The following PTPRT variants were observed in gnomAD, a reference collection of about 807,000 sequenced individuals.
The protein encoded by PTPRT is receptor-type tyrosine-protein phosphatase T.
Under a neutral mutation model 176.8 loss-of-function variants are expected in PTPRT, and 56 were observed. The observed-to-expected ratio is 0.32, with a 90% confidence interval of 0.26 to 0.40. The LOEUF is 0.40. Among genes scored for constraint, PTPRT ranks in the 10% least tolerant of loss-of-function variants. The pLI, the probability that PTPRT is intolerant of heterozygous loss-of-function variation, is 1.00. For missense variants in PTPRT, 1,540 were observed against 1,908.2 expected (o/e 0.81, Z 3.60); for synonymous variants, 783 against 739.0 (o/e 1.06, Z -0.96).
intron 7 of PTPRT, among the ~76,000 whole-genome samples, chr20:42,491,443 C>T (rs2071560228): frequency 6.6e-6 from 1 of 152,152 alleles, no homozygotes; most frequent in African/African-American, 2.4e-5. Context: ...TATCTTCACA[C>T]TGTGGTTGAC....
intron 8 of PTPRT, among the ~76,000 whole-genome samples, chr20:42,452,012 T>C (rs1454346637): frequency 2.0e-5 from 3 of 152,168 alleles, no homozygotes; most frequent in Non-Finnish European, 4.4e-5. Context: ...GGCCCACGCC[T>C]ATAATCCCAG....
In PTPRT at chr20:42,178,007, G is replaced by A. The variant is rs190215696; in HGVS notation, c.2492-16465C>T. 2.6e-5 allele frequency among the ~76,000 whole-genome samples: 4 copies of A among 151,710 alleles called. No homozygotes were observed. The East Asian group carries it at 7.8e-4, about 29-fold the overall frequency. ...GGCTAGAGTGCAGTGGCATGATCTT[G>A]GCTCAGTGCAACCTCTGCCACCTGG... is the stretch of plus-strand genomic sequence containing the variant. On this transcript the variant is annotated intron_variant, in intron 16 of 30. Coordinates refer to ENST00000373187, the MANE Select transcript of PTPRT (RefSeq NM_007050.6).
At chr20:42,926,399 AT>A (rs983523093) in intron 1 of PTPRT, among the ~76,000 whole-genome samples, 3 of 151,844 alleles carry the variant, frequency 2.0e-5, no homozygotes, top group African/African-American at 4.8e-5. Context: ...AATAATAAAT[AT>A]TTTTTTTCTA....
intron 1 of PTPRT, among the ~76,000 whole-genome samples, chr20:43,155,050 A>AGT (rs2014478650): frequency 6.6e-6 from 1 of 152,214 alleles, no homozygotes; most frequent in Admixed American, 6.5e-5. Flanking sequence ...ACGAAAGAGA[A>AGT]GTGTTAGAGA....
chr20:42,059,930 A>AT, the PTPRT span, among the ~76,000 whole-genome samples: 14 of 152,304 alleles, frequency 9.2e-5, no homozygotes, highest in South Asian at 2.7e-3. Flanking sequence ...TCCCATACAT[A>AT]AAATGGAGCA....
rs537137475 is a variant in PTPRT at position 42,258,737 on chromosome 20, A to T, written c.2177-9915T>A. ...AGTGACATCACCTAGGATGTTTCTC[A>T]AGTAATAAATAAATTGCCTCAATTC... On this transcript the variant is annotated intron_variant, in intron 13 of 30. Coordinates refer to ENST00000373187, the MANE Select transcript of PTPRT (RefSeq NM_007050.6). Among the ~76,000 whole-genome samples the T allele has an allele frequency of 1.2e-4, 18 of 152,342 alleles. No homozygotes were observed. The South Asian group carries it at 3.5e-3, about 30-fold the overall frequency.
At chr20:42,724,911 C>T (rs1270681309) in intron 6 of PTPRT, among the ~76,000 whole-genome samples, 2 of 152,136 alleles carry the variant, frequency 1.3e-5, no homozygotes, top group East Asian at 3.9e-4. Context: ...TATAATTTGC[C>T]CACCTCAAAA....
intron 7 of PTPRT, among the ~76,000 whole-genome samples, chr20:42,605,796 C>A (rs372278542): frequency 6.6e-6 from 1 of 152,118 alleles, no homozygotes; most frequent in South Asian, 2.1e-4. Flanking sequence ...CTCAGTCCAC[C>A]GATTAGAGGG....
chr20:43,052,727 A>G (rs1228692295), intron 1 of PTPRT, among the ~76,000 whole-genome samples: 1 of 152,222 alleles, frequency 6.6e-6, no homozygotes, highest in Non-Finnish European at 1.5e-5. Flanking sequence ...AACCATTGCC[A>G]CAGCCAATTA....
chr20:42,205,422 T>C (rs894234058), intron 15 of PTPRT, among the ~76,000 whole-genome samples: 1 of 152,188 alleles, frequency 6.6e-6, no homozygotes, highest in Non-Finnish European at 1.5e-5. Context: ...GATGATGATA[T>C]GAAAAACAAG....
At chr20:42,934,742 G>T (rs73271793) in intron 1 of PTPRT, among the ~76,000 whole-genome samples, 4,135 of 152,200 alleles carry the variant, frequency 0.027, 202 homozygotes, top group African/African-American at 0.094. Flanking sequence ...GAGAGGGTAA[G>T]AGAAAGCACC....
At chr20:42,773,583 T>C (rs1271166576) in intron 4 of PTPRT, among the ~76,000 whole-genome samples, 1 of 152,204 alleles carries the variant, frequency 6.6e-6, no homozygotes, top group African/African-American at 2.4e-5. Context: ...ACCACCTCTA[T>C]GGGCTTTTCA....
chr20:43,115,868 C>T (rs2013040612), intron 1 of PTPRT, among the ~76,000 whole-genome samples: 2 of 152,182 alleles, frequency 1.3e-5, no homozygotes, highest in South Asian at 4.1e-4. Flanking sequence ...TGAGGAAGTC[C>T]TCTGAAAATC....
chr20:42,647,516 G>A (rs774030839), intron 7 of PTPRT, among the ~76,000 whole-genome samples: 2 of 152,108 alleles, frequency 1.3e-5, no homozygotes, highest in Non-Finnish European at 2.9e-5. Context: ...AAGTCCAGCT[G>A]TGACAGCTAA....
At chr20:42,063,800 T>C in the PTPRT span, 1 of 151,994 alleles carries the variant, frequency 6.6e-6, no homozygotes, top group Non-Finnish European at 1.5e-5. Context: ...GTGGCTGGGA[T>C]TGGGGATGGT....
chr20:42,999,615 T>TTTTG (rs1555815037), intron 1 of PTPRT, among the ~76,000 whole-genome samples: 312 of 150,532 alleles, frequency 2.1e-3, no homozygotes, highest in South Asian at 4.2e-3. Context: ...TGGTTTTTTT[T>TTTTG]TTGTTGTTGT....
chr20:42,101,490 C>A (rs547058953), intron 26 of PTPRT, among the ~76,000 whole-genome samples: 5 of 152,272 alleles, frequency 3.3e-5, no homozygotes, highest in Middle Eastern at 3.4e-3. Context: ...AGGAACATGA[C>A]CCTAATCCCA....
intron 5 of PTPRT, among the ~76,000 whole-genome samples, chr20:42,760,889 C>A (rs983016131): frequency 1.3e-5 from 2 of 152,172 alleles, no homozygotes; most frequent in East Asian, 3.9e-4. Context: ...CATTATTTTA[C>A]AAAACAGAAA....
At chr20:42,617,906 A>AT (rs1202868446) in intron 7 of PTPRT, among the ~76,000 whole-genome samples, 3 of 137,514 alleles carry the variant, frequency 2.2e-5, no homozygotes, top group African/African-American at 6.3e-5. Flanking sequence ...GGATTCATTG[A>AT]TTTTTTGAAG....
Sources: allele counts gnomAD v4.1 joint callset (sites outside exome capture counted in the v4.1 genomes callset), GRCh38; gene constraint gnomAD v4.1.1; transcripts MANE v1.5; gene names NCBI Gene and HGNC (gene_info 2026-07-23, HGNC 2026-07-21).